Variants in ARNT observed in about 807,000 individuals in gnomAD.
ARNT encodes the protein class E basic helix-loop-helix protein 2.
A neutral mutation model predicts 105.0 loss-of-function variants in ARNT; 30 were observed. That is an observed-to-expected ratio of 0.29 (90% CI 0.21 to 0.39). The LOEUF is 0.39. ARNT is among the 10% of genes least tolerant of loss of function. The pLI is 1.00. For synonymous variants in ARNT, 304 were observed against 344.0 expected (o/e 0.88, Z 1.29); for missense variants, 748 against 978.7 (o/e 0.76, Z 3.15).
intron 3 of ARNT, among the ~76,000 whole-genome samples, chr1:150,850,810 C>T (rs1365830143): frequency 1.3e-5 from 2 of 151,472 alleles, no homozygotes; most frequent in Non-Finnish European, 2.9e-5. Context: ...CGCCTCTTCC[C>T]GGCCGCCATC....
chr1:150,839,569 T>C lies in ARNT; in HGVS notation c.358A>G (p.Ser120Gly). 6.2e-7 allele frequency: 1 copy of C among 1,614,218 alleles called. No homozygotes were observed. Among genetic ancestry groups the C allele is most frequent in the Non-Finnish European group, 8.5e-7 (1 of 1,180,032 alleles). ...TELSDMVPTC[S>G]ALARKPDKLT... Reference sequence around the variant, plus strand: ...TTGTCTGGTTTTCGAGCCAGGGCACTACAGGTGGGTACCATATCTGACAGT... The same window carrying C: ...TTGTCTGGTTTTCGAGCCAGGGCACCACAGGTGGGTACCATATCTGACAGT... Residue 120 changes from serine to glycine, a missense_variant, in exon 6 of 22, where the codon AGT becomes GGT. Transcript: ENST00000358595.
chr1:150,844,133 A>T (rs1009034289), intron 4 of ARNT, among the ~76,000 whole-genome samples: 19 of 152,214 alleles, frequency 1.2e-4, no homozygotes, highest in African/African-American at 1.9e-4. Flanking sequence ...TATCCTCCAA[A>T]TATCTATGAT....
At chr1:150,818,909 G>C (rs1211558757) in intron 14 of ARNT, among the ~76,000 whole-genome samples, 2 of 152,074 alleles carry the variant, frequency 1.3e-5, no homozygotes, top group Non-Finnish European at 2.9e-5. Context: ...ACACAAAAAT[G>C]AAGGCTGTTG....
chr1:150,865,073 G>A (rs999530265), intron 1 of ARNT, among the ~76,000 whole-genome samples: 17 of 151,764 alleles, frequency 1.1e-4, no homozygotes, highest in African/African-American at 3.6e-4. Context: ...AAAGTTTGAA[G>A]TAATAGAAGT....
intron 4 of ARNT, among the ~76,000 whole-genome samples, chr1:150,842,926 T>C (rs1481953294): frequency 6.6e-6 from 1 of 152,160 alleles, no homozygotes; most frequent in Admixed American, 6.5e-5. Context: ...TGTGCTATTC[T>C]ATAATGAAGA....
intron 1 of ARNT, among the ~76,000 whole-genome samples, chr1:150,869,203 C>T (rs1038046340): frequency 6.6e-5 from 10 of 151,988 alleles, no homozygotes; most frequent in African/African-American, 2.2e-4. Flanking sequence ...TTAGGCTGGG[C>T]GCGCTAGCTC....
At chr1:150,834,932 G>T in intron 7 of ARNT, 1 of 334,308 alleles carries the variant, frequency 3.0e-6, no homozygotes. Context: ...TATTCTCATA[G>T]CTGATTATCT....
rs1660307234 is a variant in ARNT at position 150,836,260 on chromosome 1, C to T, written c.700+20G>A. ...ACAAGAAAGGACTTCTCATTCATTT[C>T]CCATACACATAACTCTCACCTGTCA... On this transcript the variant is annotated intron_variant, in intron 7 of 21. Coordinates refer to ENST00000358595, the MANE Select transcript of ARNT (RefSeq NM_001668.4). 4 of 1,609,464 alleles carry T rather than the reference C, an allele frequency of 2.5e-6. No individual in the cohort carries two copies. Among genetic ancestry groups the T allele is most frequent in the Non-Finnish European group, 3.4e-6 (4 of 1,176,162 alleles).
chr1:150,874,591 C>T (rs1247441940), intron 1 of ARNT, among the ~76,000 whole-genome samples: 1 of 151,924 alleles, frequency 6.6e-6, no homozygotes, highest in East Asian at 1.9e-4. Flanking sequence ...GGAGGCTGAT[C>T]GTGAGAGGAT....
At position 150,816,282 on chromosome 1, in the gene ARNT, T is replaced by C. The variant is rs765314219; in HGVS notation, c.1927A>G (p.Thr643Ala). Reference sequence around the variant, plus strand: ...ACCTGGGCAGAAAAGCCTGAGCGGGTAGTAGGGGTCCAAGTTGGGGTTGCT... The same window carrying C: ...ACCTGGGCAGAAAAGCCTGAGCGGGCAGTAGGGGTCCAAGTTGGGGTTGCT... ...QGATPTWTPT[T>A]RSGFSAQQVA... Residue 643 changes from threonine to alanine, a missense_variant, in exon 19 of 22, where the codon ACC becomes GCC. This residue lies in a region of ARNT where 360 missense variants were observed against 411.9 expected (regional missense o/e 0.87). Transcript: ENST00000358595. 6.2e-7 allele frequency: 1 copy of C among 1,604,282 alleles called. No homozygotes were observed. The highest frequency in any genetic ancestry group is 1.7e-5 in the Admixed American group (1 of 57,156).
Position 150,834,524 on chromosome 1 carries a change from A to G in ARNT, c.803+14T>C. The G allele has an allele frequency of 1.2e-6, 2 of 1,611,910 alleles. No homozygotes were observed. Among genetic ancestry groups the G allele is most frequent in the Non-Finnish European group, 1.7e-6 (2 of 1,178,104 alleles). ...CTTCCTATACCAAATCACAATCCTC[A>G]GCTTGACACTCACCTCATTCGGCAA... is the stretch of plus-strand genomic sequence containing the variant. On this transcript the variant is annotated intron_variant, in intron 8 of 21. Transcript: ENST00000358595.
At chr1:150,827,743 T>C (rs947466929) in intron 12 of ARNT, among the ~76,000 whole-genome samples, 5 of 152,244 alleles carry the variant, frequency 3.3e-5, no homozygotes, top group African/African-American at 1.2e-4. Context: ...TGTAGGAAAC[T>C]GCCAAAATGC....
At chr1:150,841,698 A>G (rs2864873) in intron 5 of ARNT, among the ~76,000 whole-genome samples, 53,828 of 152,038 alleles carry the variant, frequency 0.35, 9,908 homozygotes, top group South Asian at 0.54. Flanking sequence ...CAGTCTCCCA[A>G]GAGAATTCTA....
At chr1:150,844,242 C>T (rs1421130995) in intron 4 of ARNT, among the ~76,000 whole-genome samples, 1 of 152,170 alleles carries the variant, frequency 6.6e-6, no homozygotes, top group African/African-American at 2.4e-5. Context: ...AACCTCTTAA[C>T]TTCACTCCTT....
intron 7 of ARNT, among the ~76,000 whole-genome samples, chr1:150,835,996 G>T (rs1371866997): frequency 1.3e-5 from 2 of 150,408 alleles, no homozygotes; most frequent in Non-Finnish European, 3.0e-5. Flanking sequence ...AATTCTTTTA[G>T]AACGGAAAAA....
intron 3 of ARNT, among the ~76,000 whole-genome samples, chr1:150,850,330 G>C (rs587719582): frequency 7.9e-5 from 12 of 152,084 alleles, no homozygotes; most frequent in African/African-American, 2.2e-4. Context: ...CTCTGATGCC[G>C]AGCCGAAGCT....
At chr1:150,869,730 T>C (rs1319133794) in intron 1 of ARNT, among the ~76,000 whole-genome samples, 2 of 151,866 alleles carry the variant, frequency 1.3e-5, no homozygotes, top group Non-Finnish European at 2.9e-5. Flanking sequence ...TTATATATAT[T>C]TTTGTGGAGA....
At position 150,829,205 on chromosome 1, in the gene ARNT, G is replaced by C; in HGVS notation, c.1055C>G (p.Thr352Arg). The C allele has an allele frequency of 6.2e-7, 1 of 1,613,984 alleles. No homozygotes were observed. Among genetic ancestry groups the C allele is most frequent in the Non-Finnish European group, 8.5e-7 (1 of 1,179,914 alleles). Residue 352 changes from threonine (T) to arginine (R), a missense_variant, in exon 12 of 22, where the codon ACA becomes AGA. Coordinates refer to ENST00000358595, the MANE Select transcript of ARNT (RefSeq NM_001668.4). ...TGGTTGACAAACATTACTCATGTCT[G>C]TACAGTTGGGAGAACTAGTTACCTG... Reference protein sequence around the residue: ...RLQVTSSPNCTDMSNVCQPTE... With the variant: ...RLQVTSSPNCRDMSNVCQPTE...
Position 150,832,360 on chromosome 1 carries a change from C to G in ARNT, c.843G>C (p.Arg281Ser). The G allele has an allele frequency of 6.2e-7, 1 of 1,614,122 alleles. No individual in the cohort carries two copies. The highest frequency in any genetic ancestry group is 8.5e-7 in the Non-Finnish European group (1 of 1,180,018). The change falls in exon 9 of 22, where the codon AGG (arginine) becomes AGC (serine). Residue 281 changes from arginine to serine, a missense_variant. This residue lies in a region of ARNT where 291 missense variants were observed against 444.6 expected (regional missense o/e 0.65). Coordinates refer to ENST00000358595, the MANE Select transcript of ARNT (RefSeq NM_001668.4). ...SSSVDPVSVN[R>S]LSFVRNRCRN... ...TGCATCTGTTCCTCACAAAGCTCAG[C>G]CTATTCACAGAAACTGGGTCCACAG...
Sources: allele counts gnomAD v4.1 joint callset (sites outside exome capture counted in the v4.1 genomes callset), GRCh38; gene constraint gnomAD v4.1.1; regional missense constraint gnomAD v4.1.1; transcripts MANE v1.5; gene names NCBI Gene and HGNC (gene_info 2026-07-23, HGNC 2026-07-21).